The following CDK14 variants were observed in gnomAD, a reference collection of about 807,000 sequenced individuals.
CDK14 encodes the protein cyclin-dependent kinase 14.
A neutral mutation model predicts 60.7 loss-of-function variants in CDK14; 34 were observed. That is an observed-to-expected ratio of 0.56 (90% CI 0.43 to 0.75). The LOEUF (loss-of-function observed/expected upper bound fraction) is 0.75, where lower values mean the gene tolerates loss of function less well. Among genes scored for constraint, CDK14 ranks in the 30% least tolerant of loss-of-function variants. CDK14 has a pLI of 0.00. For synonymous variants in CDK14, 197 were observed against 203.7 expected (o/e 0.97, Z 0.28); for missense variants, 482 against 564.1 (o/e 0.85, Z 1.47).
intron 2 of CDK14, among the ~76,000 whole-genome samples, chr7:90,703,510 A>G (rs891187415): frequency 6.6e-6 from 1 of 152,222 alleles, no homozygotes; most frequent in Non-Finnish European, 1.5e-5. Flanking sequence ...ATGTGCATGT[A>G]TATGTATGTA....
At chr7:91,125,820 G>T (rs1799927191) in intron 14 of CDK14, among the ~76,000 whole-genome samples, 1 of 152,030 alleles carries the variant, frequency 6.6e-6, no homozygotes, top group Non-Finnish European at 1.5e-5. Context: ...TATCACCATT[G>T]TCTTAATGTA....
At chr7:90,832,032 T>C (rs1166021981) in intron 5 of CDK14, among the ~76,000 whole-genome samples, 2 of 152,054 alleles carry the variant, frequency 1.3e-5, no homozygotes, top group African/African-American at 4.8e-5. Context: ...AGAGATTACC[T>C]CCTCAAAGAT....
intron 4 of CDK14, among the ~76,000 whole-genome samples, chr7:90,773,843 C>CCTCCT (rs530779137): frequency 0.13 from 9,806 of 77,652 alleles, 1,037 homozygotes; most frequent in Non-Finnish European, 0.15. Flanking sequence ...TCTTCTCTTC[C>CCTCCT]CTCCTCTCCT....
intron 8 of CDK14, among the ~76,000 whole-genome samples, chr7:90,946,995 G>A (rs1304108383): frequency 6.6e-6 from 1 of 152,166 alleles, no homozygotes; most frequent in Non-Finnish European, 1.5e-5. Context: ...AGACAACGCA[G>A]ATAAGAGTTG....
chr7:90,718,381 A>C (rs2116677062), intron 2 of CDK14, among the ~76,000 whole-genome samples: 1 of 152,284 alleles, frequency 6.6e-6, no homozygotes, highest in African/African-American at 2.4e-5. Context: ...TTTATGTGTG[A>C]GACTTTACTA....
chr7:90,754,528 C>A (rs1803980435), intron 4 of CDK14, among the ~76,000 whole-genome samples: 1 of 152,054 alleles, frequency 6.6e-6, no homozygotes, highest in Non-Finnish European at 1.5e-5. Flanking sequence ...TCTAAGAATC[C>A]TAGAAGAAAA....
At chr7:91,058,079 C>T (rs1337751670) in intron 11 of CDK14, among the ~76,000 whole-genome samples, 1 of 152,152 alleles carries the variant, frequency 6.6e-6, no homozygotes, top group East Asian at 1.9e-4. Flanking sequence ...TCTTTTATTT[C>T]GTTGAGCAGT....
intron 13 of CDK14, among the ~76,000 whole-genome samples, chr7:91,115,917 G>A (rs969063931): frequency 6.6e-6 from 1 of 152,146 alleles, no homozygotes; most frequent in African/African-American, 2.4e-5. Flanking sequence ...TAATGTATTA[G>A]TGTGGCACTG....
At chr7:91,032,578 T>C (rs1339270131) in intron 10 of CDK14, among the ~76,000 whole-genome samples, 1 of 152,078 alleles carries the variant, frequency 6.6e-6, no homozygotes, top group East Asian at 1.9e-4. Context: ...GAAAGCAGTG[T>C]GAAGAGGGAG....
At chr7:90,688,020 A>G (rs561029657) in intron 2 of CDK14, among the ~76,000 whole-genome samples, 1 of 152,314 alleles carries the variant, frequency 6.6e-6, no homozygotes, top group Non-Finnish European at 1.5e-5. Flanking sequence ...GTGACTTAGA[A>G]TTATGATTTC....
In CDK14 at chr7:90,766,574, C is replaced by T. The variant is rs548299163; in HGVS notation, c.464+18799C>T. Among the ~76,000 whole-genome samples the T allele has an allele frequency of 6.4e-4, 98 of 152,308 alleles. 1 individual carries two copies. Among genetic ancestry groups the T allele is most frequent in the South Asian group, 1.9e-3 (9 of 4,828 alleles). On this transcript the variant is annotated intron_variant, in intron 4 of 14. Coordinates refer to ENST00000380050, the MANE Select transcript of CDK14 (RefSeq NM_001287135.2). ...GAATTCAGATCCAGTTAGTCCAACT[C>T]CAGAGCTGAGTTCTTAACTTTTACC...
chr7:91,185,837 T>A (rs908513822), intron 14 of CDK14, among the ~76,000 whole-genome samples: 7 of 152,130 alleles, frequency 4.6e-5, no homozygotes, highest in Non-Finnish European at 7.4e-5. Flanking sequence ...ACAATCTAAT[T>A]CCAAAACATT....
chr7:90,965,486 G>C (rs940973047), intron 9 of CDK14, among the ~76,000 whole-genome samples: 10 of 152,170 alleles, frequency 6.6e-5, no homozygotes, highest in African/African-American at 1.9e-4. Context: ...ATAACACTTA[G>C]GTCTTAGTTG....
intron 4 of CDK14, among the ~76,000 whole-genome samples, chr7:90,769,193 A>G (rs1017084053): frequency 6.6e-6 from 1 of 152,182 alleles, no homozygotes; most frequent in African/African-American, 2.4e-5. Flanking sequence ...CTAAGGTGCT[A>G]TTATGGAAGG....
chr7:90,728,807 G>C (rs537180032), intron 3 of CDK14, among the ~76,000 whole-genome samples: 1 of 152,188 alleles, frequency 6.6e-6, no homozygotes, highest in Admixed American at 6.6e-5. Flanking sequence ...TGGGTGGCTT[G>C]TCAGTTGGTT....
At chr7:90,689,986 T>C (rs1253569669) in intron 2 of CDK14, among the ~76,000 whole-genome samples, 1 of 125,524 alleles carries the variant, frequency 8.0e-6, no homozygotes, top group Non-Finnish European at 1.7e-5. Context: ...CGTAAGAGAC[T>C]TACATTACGA....
intron 12 of CDK14, among the ~76,000 whole-genome samples, chr7:91,095,613 T>G (rs1204309237): frequency 6.6e-6 from 1 of 152,152 alleles, no homozygotes; most frequent in Non-Finnish European, 1.5e-5. Flanking sequence ...GGGAAAGGTT[T>G]AACAAATCAT....
chr7:91,121,354 G>A (rs566339054), intron 14 of CDK14, among the ~76,000 whole-genome samples: 5 of 152,250 alleles, frequency 3.3e-5, no homozygotes, highest in South Asian at 2.1e-4. Context: ...TGGGCCGGCC[G>A]GCATTTTAAC....
intron 3 of CDK14, among the ~76,000 whole-genome samples, chr7:90,737,102 T>C (rs1387904604): frequency 2.0e-5 from 3 of 152,200 alleles, no homozygotes; most frequent in Non-Finnish European, 1.5e-5. Context: ...TGGTGTTTAA[T>C]ACCGTCACTG....
Sources: gnomAD v4.1 joint callset for allele counts (sites outside exome capture counted in the v4.1 genomes callset) on GRCh38, gnomAD v4.1.1 for gene constraint, MANE v1.5 for transcripts, NCBI Gene and HGNC (gene_info 2026-07-23, HGNC 2026-07-21) for gene names.